The following ADAMTS20 variants were observed in gnomAD, a reference collection of about 807,000 sequenced individuals.
The protein encoded by ADAMTS20 is ADAM metallopeptidase with thrombospondin type 1 motif 20.
In ADAMTS20, 225 loss-of-function variants were observed where a neutral mutation model predicts 260.1. The ratio of observed to expected loss-of-function variants is 0.87; its 90% CI spans 0.78 to 0.97. ADAMTS20 has a LOEUF of 0.97. ADAMTS20 is among the 50% of genes least tolerant of loss of function. The pLI, the probability that ADAMTS20 is intolerant of heterozygous loss-of-function variation, is 0.00. For missense variants in ADAMTS20, 2,400 were observed against 2,337.7 expected, an observed-to-expected ratio of 1.03 and a Z score of -0.55; for synonymous variants, 802 against 769.5, an observed-to-expected ratio of 1.04 and a Z score of -0.70.
At position 43,428,737 on chromosome 12, in the gene ADAMTS20, A is replaced by G; in HGVS notation, c.3552T>C (p.Asp1184=). 1 of 1,612,344 alleles carries G rather than the reference A, an allele frequency of 6.2e-7. No homozygotes were observed. The highest frequency in any genetic ancestry group is 8.5e-7 in the Non-Finnish European group (1 of 1,178,816). ...CACAATATGATTCATCTGCTATTCT[A>G]TCAAGAGCATCACGACAGCTTACAT... is the stretch of plus-strand genomic sequence containing the variant. ...ARYVSCRDAL[D]RIADESYCAH... Residue 1184 remains aspartate (D), a synonymous_variant, in exon 25 of 39, where the codon GAT becomes GAC. Transcript: ENST00000389420.
At chr12:43,503,685 C>T (rs914207705) in intron 3 of ADAMTS20, among the ~76,000 whole-genome samples, 9 of 151,956 alleles carry the variant, frequency 5.9e-5, no homozygotes, top group African/African-American at 2.2e-4. Flanking sequence ...TATGTTACCC[C>T]ATATTTGTTT....
intron 28 of ADAMTS20, among the ~76,000 whole-genome samples, chr12:43,408,181 C>T (rs1405055048): frequency 6.6e-6 from 1 of 152,128 alleles, no homozygotes; most frequent in Non-Finnish European, 1.5e-5. Flanking sequence ...AAATGAAACA[C>T]TGCTTTTGAA....
chr12:43,551,273 G>C lies in ADAMTS20; in HGVS notation c.92-3C>G. On this transcript the variant is annotated splice_polypyrimidine_tract_variant and splice_region_variant and intron_variant, in intron 1 of 38. Coordinates refer to ENST00000389420, the MANE Select transcript of ADAMTS20 (RefSeq NM_025003.5). This position sits in a 1 kb window ranked among gnomAD's most constrained non-coding sequence, Gnocchi z 4.6. ...GGTCAGTGTCCTCACCAGGGCTTCTGCAACAACAGCGACAGGACCAGTGAG... is the reference window on the plus strand; with the variant it reads ...GGTCAGTGTCCTCACCAGGGCTTCTCCAACAACAGCGACAGGACCAGTGAG... 1 of 1,608,296 alleles carries C rather than the reference G, an allele frequency of 6.2e-7. No homozygotes were observed. The highest frequency in any genetic ancestry group is 1.3e-5 in the African/African-American group (1 of 74,944).
At chr12:43,448,257 T>C (rs1941799214) in intron 14 of ADAMTS20, among the ~76,000 whole-genome samples, 2 of 152,078 alleles carry the variant, frequency 1.3e-5, no homozygotes, top group African/African-American at 4.8e-5. Context: ...AGGGCTACAG[T>C]AACCAAAACA....
In ADAMTS20 at chr12:43,377,575, T is replaced by C; in HGVS notation, c.4798-13A>G. Reference sequence around the variant, plus strand: ...AGTTGTTTGCACACTGAAAAATACATAATTACAAGAAAGAAAATGTCATTA... The same window carrying C: ...AGTTGTTTGCACACTGAAAAATACACAATTACAAGAAAGAAAATGTCATTA... On this transcript the variant is annotated splice_polypyrimidine_tract_variant and intron_variant, in intron 31 of 38. Coordinates refer to ENST00000389420, the MANE Select transcript of ADAMTS20 (RefSeq NM_025003.5). 2 of 1,595,560 alleles carry C rather than the reference T, an allele frequency of 1.3e-6. No individual in the cohort carries two copies. The highest frequency in any genetic ancestry group is 1.7e-6 in the Non-Finnish European group (2 of 1,167,758).
chr12:43,501,460 T>TACGC (rs1942759614), intron 4 of ADAMTS20, among the ~76,000 whole-genome samples: 1 of 92,098 alleles, frequency 1.1e-5, no homozygotes, highest in Non-Finnish European at 2.3e-5. Context: ...TGGAGGGGGA[T>TACGC]ACGCGCGCGC....
chr12:43,388,772 T>C lies in ADAMTS20; in HGVS notation c.4453-4795A>G, dbSNP rs148538083. On this transcript the variant is annotated intron_variant, in intron 29 of 38. Transcript: ENST00000389420. ...GTCTGTTCAGGCTGCTATAACAAAATACCATAAACAGAATGTCTCACACAC... is the reference window on the plus strand; with the variant it reads ...GTCTGTTCAGGCTGCTATAACAAAACACCATAAACAGAATGTCTCACACAC... Among the ~76,000 whole-genome samples the C allele has an allele frequency of 7.2e-4, 110 of 152,276 alleles. No homozygotes were observed. The East Asian group carries it at 0.019, about 26-fold the overall frequency.
Position 43,428,267 on chromosome 12 carries a change from G to C in ADAMTS20, c.3919C>G (p.Gln1307Glu). Residue 1307 changes from glutamine (Q) to glutamate (E), a missense_variant, in exon 26 of 39, where the codon CAG becomes GAG. Gln to Glu is a conservative substitution (Grantham distance 29). Transcript: ENST00000389420. ...QVVHPSVRGN[Q>E]WRTGPWGSCS... ...GATCCCCATGGTCCGGTTCTCCACTGGTTTCCTCTGACTGATGGATGGACC... is the reference window on the plus strand; with the variant it reads ...GATCCCCATGGTCCGGTTCTCCACTCGTTTCCTCTGACTGATGGATGGACC... 6.2e-7 allele frequency: 1 copy of C among 1,613,884 alleles called. No homozygotes were observed. The highest frequency in any genetic ancestry group is 8.5e-7 in the Non-Finnish European group (1 of 1,179,854).
chr12:43,372,406 T>C (rs1057080410), intron 36 of ADAMTS20, among the ~76,000 whole-genome samples: 2 of 152,190 alleles, frequency 1.3e-5, no homozygotes, highest in Non-Finnish European at 2.9e-5. Flanking sequence ...GGAAACAGGT[T>C]ATTGATGACT....
At chr12:43,497,497 T>G (rs1942694085) in intron 4 of ADAMTS20, among the ~76,000 whole-genome samples, 1 of 152,172 alleles carries the variant, frequency 6.6e-6, no homozygotes, top group Non-Finnish European at 1.5e-5. Context: ...TTTGGAAAGA[T>G]CTTTTCATTT....
chr12:43,424,248 G>C (rs531870342), intron 28 of ADAMTS20, among the ~76,000 whole-genome samples: 51 of 151,970 alleles, frequency 3.4e-4, no homozygotes, highest in African/African-American at 1.2e-3. Flanking sequence ...AATATCAATG[G>C]TAATCAAAAT....
chr12:43,373,525 A>T (rs11613405), intron 36 of ADAMTS20, among the ~76,000 whole-genome samples: 1 of 152,118 alleles, frequency 6.6e-6, no homozygotes, highest in South Asian at 2.1e-4. Context: ...CACAAAAAAA[A>T]TCTCAAAATG....
At chr12:43,474,520 G>A (rs1299472323) in intron 7 of ADAMTS20, among the ~76,000 whole-genome samples, 4 of 124,916 alleles carry the variant, frequency 3.2e-5, no homozygotes, top group African/African-American at 1.3e-4. Flanking sequence ...ACCAAAGCTG[G>A]GCAGAGACAC....
At chr12:43,444,497 TA>T (rs771780969) in intron 15 of ADAMTS20, among the ~76,000 whole-genome samples, 17 of 152,124 alleles carry the variant, frequency 1.1e-4, no homozygotes, top group Non-Finnish European at 1.6e-4. Context: ...ATGAGAAAAG[TA>T]AAAAGTTTAC....
chr12:43,483,777 T>C (rs977182538), intron 7 of ADAMTS20, among the ~76,000 whole-genome samples: 3 of 152,170 alleles, frequency 2.0e-5, no homozygotes, highest in Non-Finnish European at 4.4e-5. Context: ...AAGGCTGAGA[T>C]GTCTGCCCAA....
At chr12:43,421,054 C>A (rs1353736321) in intron 28 of ADAMTS20, among the ~76,000 whole-genome samples, 1 of 151,620 alleles carries the variant, frequency 6.6e-6, no homozygotes, top group Non-Finnish European at 1.5e-5. Flanking sequence ...AGTGATCCAG[C>A]CGCCTCAGCC....
intron 3 of ADAMTS20, among the ~76,000 whole-genome samples, chr12:43,519,556 T>G: frequency 6.6e-6 from 1 of 152,140 alleles, no homozygotes; most frequent in East Asian, 1.9e-4. Context: ...GCAATCAACT[T>G]TTTTCTTCAC....
chr12:43,355,437 A>AATG (rs1262406180), intron 38 of ADAMTS20, among the ~76,000 whole-genome samples: 2 of 152,228 alleles, frequency 1.3e-5, no homozygotes, highest in African/African-American at 4.8e-5. Flanking sequence ...CGAAATGAAT[A>AATG]ATGAATTAAT....
At chr12:43,529,994 C>A (rs75294876) in intron 3 of ADAMTS20, among the ~76,000 whole-genome samples, 1,578 of 152,006 alleles carry the variant, frequency 0.01, 34 homozygotes, top group African/African-American at 0.035. Flanking sequence ...AATGTGTATG[C>A]TGATTGTACC....
Sources: allele counts gnomAD v4.1 joint callset (sites outside exome capture counted in the v4.1 genomes callset), GRCh38; gene constraint gnomAD v4.1.1; non-coding constraint Gnocchi (gnomAD v3.1); transcripts MANE v1.5; gene names NCBI Gene and HGNC (gene_info 2026-07-23, HGNC 2026-07-21).